Variants in CNTNAP2 observed in about 807,000 individuals in gnomAD.
The protein encoded by CNTNAP2 is contactin-associated protein-like 2.
CNTNAP2 carries 98 observed loss-of-function variants against 155.2 expected under a neutral mutation model. The ratio of observed to expected loss-of-function variants is 0.63; its 90% confidence interval spans 0.54 to 0.75. The LOEUF (loss-of-function observed/expected upper bound fraction) is 0.75. Ranked by LOEUF, CNTNAP2 falls within the 30% of genes least tolerant of loss-of-function variation. The pLI is 0.00. For synonymous variants in CNTNAP2, 651 were observed against 631.2 expected, an observed-to-expected ratio of 1.03 and a Z score of -0.47; for missense variants, 1,727 against 1,688.1, an observed-to-expected ratio of 1.02 and a Z score of -0.40.
chr7:147,004,113 T>G (rs1466447689), intron 3 of CNTNAP2, among the ~76,000 whole-genome samples: 1 of 150,864 alleles, frequency 6.6e-6, no homozygotes, highest in Non-Finnish European at 1.5e-5. Context: ...TATATTTCCA[T>G]GATATTTGGC....
chr7:147,416,683 G>C (rs912062049), intron 10 of CNTNAP2, among the ~76,000 whole-genome samples: 4 of 152,200 alleles, frequency 2.6e-5, no homozygotes, highest in African/African-American at 9.7e-5. Context: ...CAAGTGCCCA[G>C]CCATAAACCA....
intron 9 of CNTNAP2, among the ~76,000 whole-genome samples, chr7:147,364,803 C>T (rs372953992): frequency 2.0e-5 from 3 of 151,204 alleles, no homozygotes; most frequent in Admixed American, 6.6e-5. Context: ...GAGCCGAGAT[C>T]GCGCCACTGC....
At chr7:148,280,725 C>T (rs1478684023) in intron 21 of CNTNAP2, among the ~76,000 whole-genome samples, 1 of 151,964 alleles carries the variant, frequency 6.6e-6, no homozygotes, top group Non-Finnish European at 1.5e-5. Flanking sequence ...TTCAGACCAG[C>T]CTAGTCAACA....
At chr7:147,853,733 A>G (rs1263987387) in intron 13 of CNTNAP2, among the ~76,000 whole-genome samples, 1 of 152,204 alleles carries the variant, frequency 6.6e-6, no homozygotes, top group African/African-American at 2.4e-5. Flanking sequence ...TTGATGATCT[A>G]TAAATACTAA....
At chr7:146,754,554 G>GTCTCTCTC (rs143802449) in intron 1 of CNTNAP2, among the ~76,000 whole-genome samples, 1,788 of 144,958 alleles carry the variant, frequency 0.012, 19 homozygotes, top group African/African-American at 0.017. Context: ...CTCTCTCTCT[G>GTCTCTCTC]TCTCTCTCTC....
intron 3 of CNTNAP2, among the ~76,000 whole-genome samples, chr7:146,910,293 G>C (rs1163352117): frequency 6.7e-6 from 1 of 149,662 alleles, no homozygotes; most frequent in South Asian, 2.1e-4. Context: ...TCACAGAATT[G>C]GAAAAAGCTA....
At chr7:146,665,141 G>A (rs1800168259) in intron 1 of CNTNAP2, among the ~76,000 whole-genome samples, 2 of 151,930 alleles carry the variant, frequency 1.3e-5, no homozygotes, top group African/African-American at 4.8e-5. Flanking sequence ...TAGCGACGGG[G>A]TTTCACCATG....
chr7:147,340,537 A>T (rs1795742902), intron 9 of CNTNAP2, among the ~76,000 whole-genome samples: 1 of 152,066 alleles, frequency 6.6e-6, no homozygotes, highest in Admixed American at 6.6e-5. Context: ...TTGGTCGTGG[A>T]CATGTTCAAC....
At chr7:146,132,007 G>A (rs1027258854) in intron 1 of CNTNAP2, among the ~76,000 whole-genome samples, 5 of 152,078 alleles carry the variant, frequency 3.3e-5, no homozygotes, top group African/African-American at 9.7e-5. Flanking sequence ...CCAGTTATGT[G>A]GAACAGTGAG....
At position 146,932,848 on chromosome 7, in the gene CNTNAP2, G is replaced by GA. The variant is rs776206348; in HGVS notation, c.402+92953dup. On this transcript the variant is annotated intron_variant, in intron 3 of 23. Coordinates refer to ENST00000361727, the MANE Select transcript of CNTNAP2 (RefSeq NM_014141.6). ...AACTCCCATTCACAATTGCTTCAAAGAAAAAAAAATACCTAGGAATCCAAC... is the reference window on the plus strand; with the variant it reads ...AACTCCCATTCACAATTGCTTCAAAGAAAAAAAAAATACCTAGGAATCCAAC... Among the ~76,000 whole-genome samples the GA allele has an allele frequency of 1.5e-3, 223 of 150,254 alleles. 2 individuals carry two copies. The highest frequency in any genetic ancestry group is 2.6e-3 in the Non-Finnish European group (173 of 67,472).
Position 147,420,027 on chromosome 7 carries a change from C to T in CNTNAP2, c.1670+24247C>T, listed in dbSNP as rs897874797. Among the ~76,000 whole-genome samples the T allele has an allele frequency of 5.3e-5, 8 of 152,052 alleles. No homozygotes were observed. The East Asian group carries it at 5.8e-4, about 11-fold the overall frequency. ...AGATTCCACTAGACACACAGGGCCA[C>T]GAGTTAATCTTTGTGAATAATTTCA... On this transcript the variant is annotated intron_variant, in intron 10 of 23. Transcript: ENST00000361727.
At chr7:146,828,303 A>G (rs1585110868) in intron 2 of CNTNAP2, among the ~76,000 whole-genome samples, 2 of 152,104 alleles carry the variant, frequency 1.3e-5, no homozygotes, top group African/African-American at 2.4e-5. Context: ...AATAAAACAG[A>G]TGAAGCAAAA....
intron 1 of CNTNAP2, among the ~76,000 whole-genome samples, chr7:146,241,816 A>G (rs1799567051): frequency 6.6e-6 from 1 of 150,508 alleles, no homozygotes; most frequent in African/African-American, 2.5e-5. Flanking sequence ...AATTATATAT[A>G]TACCTATACA....
chr7:147,610,270 A>G (rs1169740060), intron 12 of CNTNAP2, among the ~76,000 whole-genome samples: 1 of 150,876 alleles, frequency 6.6e-6, no homozygotes, highest in Non-Finnish European at 1.5e-5. Context: ...TTCTGAGTAA[A>G]GTTTAAGGGT....
chr7:146,743,306 G>C (rs1340614062), intron 1 of CNTNAP2, among the ~76,000 whole-genome samples: 6 of 152,124 alleles, frequency 3.9e-5, no homozygotes, highest in Admixed American at 2.0e-4. Context: ...GTGTGTTTGT[G>C]TCCCTTAAAG....
At chr7:147,166,309 T>C (rs1394821611) in intron 8 of CNTNAP2, among the ~76,000 whole-genome samples, 3 of 152,014 alleles carry the variant, frequency 2.0e-5, no homozygotes, top group African/African-American at 7.3e-5. Context: ...CCAAACATCA[T>C]ATGTTCTCAC....
chr7:146,599,769 G>GATAGATAGATAA (rs1798920930), intron 1 of CNTNAP2, among the ~76,000 whole-genome samples: 1 of 151,812 alleles, frequency 6.6e-6, no homozygotes, highest in Non-Finnish European at 1.5e-5. Context: ...TAGATAGATA[G>GATAGATAGATAA]ATAGATAGAT....
intron 1 of CNTNAP2, among the ~76,000 whole-genome samples, chr7:146,495,978 G>GGAGT (rs1417219691): frequency 1.3e-5 from 2 of 152,164 alleles, no homozygotes; most frequent in Non-Finnish European, 2.9e-5. Context: ...GACGGATTGT[G>GGAGT]GAGTGAGGCT....
chr7:146,202,555 C>A (rs552116099), intron 1 of CNTNAP2, among the ~76,000 whole-genome samples: 49 of 151,876 alleles, frequency 3.2e-4, no homozygotes, highest in Non-Finnish European at 5.9e-4. Flanking sequence ...AACCTATGCC[C>A]CCAGAATTTA....
Sources: gnomAD v4.1 joint callset for allele counts (sites outside exome capture counted in the v4.1 genomes callset) on GRCh38, gnomAD v4.1.1 for gene constraint, MANE v1.5 for transcripts, NCBI Gene and HGNC (gene_info 2026-07-23, HGNC 2026-07-21) for gene names.